Variants in DLEC1 observed in about 807,000 individuals in gnomAD.
DLEC1 encodes the protein DLEC1 cilia and flagella associated protein.
Under a neutral mutation model 198.1 loss-of-function variants are expected in DLEC1, and 146 were observed. The observed-to-expected ratio is 0.74, with a 90% CI of 0.64 to 0.85. The LOEUF is 0.85. DLEC1 is among the 40% of genes least tolerant of loss of function. The probability of loss-of-function intolerance (pLI) is 0.00; values close to 1 mark genes in which losing one functional copy is unlikely to be tolerated. For synonymous variants in DLEC1, 897 were observed against 866.8 expected (o/e 1.03, Z -0.61); for missense variants, 2,233 against 2,220.0 (o/e 1.01, Z -0.12).
At chr3:38,111,856 GCT>G in intron 24 of DLEC1, 109 bp downstream of exon 24, 1 of 1,260,126 alleles carries the variant, frequency 7.9e-7, no homozygotes, top group Non-Finnish European at 1.1e-6. Context: ...ACCAGAGACT[GCT>G]CTCAGATGGC....
chr3:38,082,331 G>A (rs1397923451), intron 6 of DLEC1, among the ~76,000 whole-genome samples: 1 of 139,778 alleles, frequency 7.2e-6, no homozygotes, highest in Non-Finnish European at 1.6e-5. Flanking sequence ...CAGGCAGAGG[G>A]GCTCCTCACA....
At chr3:38,096,888 C>T in intron 15 of DLEC1, 151 bp downstream of exon 15, 1 of 950,816 alleles carries the variant, frequency 1.1e-6, no homozygotes, top group Non-Finnish European at 1.6e-6. Flanking sequence ...ACTTGACTTG[C>T]ACAGATGCAT....
At position 38,062,234 on chromosome 3, in the gene DLEC1, G is replaced by A; in HGVS notation, c.739G>A (p.Glu247Lys). 6.2e-7 allele frequency: 1 copy of A among 1,614,230 alleles called. No homozygotes were observed. The highest frequency in any genetic ancestry group is 1.1e-5 in the South Asian group (1 of 91,080). ...SCEKRSVQKK[E>K]LNKKLEDSCR... ...TGAGAAGCGTTCCGTCCAGAAGAAA[G>A]AGCTGAACAAGAAGCTTGAAGATTC... The change falls in exon 4 of 37, where the codon GAG (glutamate) becomes AAG (lysine). Residue 247 changes from glutamate to lysine, a missense_variant. Glu to Lys is a moderately conservative substitution (Grantham distance 56). Coordinates refer to ENST00000308059, the MANE Select transcript of DLEC1 (RefSeq NM_007335.4).
intron 5 of DLEC1, among the ~76,000 whole-genome samples, chr3:38,063,023 A>AG (rs909932821): frequency 6.6e-6 from 1 of 152,128 alleles, no homozygotes; most frequent in African/African-American, 2.4e-5. Flanking sequence ...CTTGAGAAAT[A>AG]GGGGTTGGTG....
In DLEC1 at chr3:38,108,435, G is replaced by A; in HGVS notation, c.3049G>A (p.Val1017Met). The change falls in exon 21 of 37, where the codon GTG (valine) becomes ATG (methionine). Residue 1017 changes from valine to methionine, a missense_variant. By Grantham distance (21) the Val-to-Met change is conservative. Transcript: ENST00000308059. The stretch of plus-strand genomic sequence containing the variant: ...CGGACACCAAGCAGAATTCTGCATG[G>A]TGACAGTCTCCCCCAAACATGGCCT... ...LLGHQAEFCM[V>M]TVSPKHGLLG... is the part of the protein sequence containing the mutation. The A allele has an allele frequency of 6.2e-7, 1 of 1,614,148 alleles. No homozygotes were observed.
chr3:38,088,178 G>GA, intron 9 of DLEC1, 118 bp from the exon 10 acceptor site: 2 of 858,390 alleles, frequency 2.3e-6, no homozygotes, highest in South Asian at 3.3e-5. Context: ...CATGTGACTG[G>GA]ATGATCCTTA....
intron 19 of DLEC1, among the ~76,000 whole-genome samples, chr3:38,106,479 G>C (rs1699572776): frequency 1.3e-5 from 2 of 152,120 alleles, no homozygotes; most frequent in East Asian, 1.9e-4. Context: ...TTAGTGGCCA[G>C]GCATGGTAGC....
intron 6 of DLEC1, among the ~76,000 whole-genome samples, chr3:38,079,184 T>C (rs1697813277): frequency 6.6e-6 from 1 of 151,864 alleles, no homozygotes; most frequent in African/African-American, 2.4e-5. Context: ...AGGGCAGCAA[T>C]GAGATGTAGC....
At chr3:38,099,953 C>A (rs967961216) in intron 18 of DLEC1, among the ~76,000 whole-genome samples, 1 of 152,202 alleles carries the variant, frequency 6.6e-6, no homozygotes, top group Non-Finnish European at 1.5e-5. Flanking sequence ...GGCTACCCCC[C>A]TAGTTTGGCT....
intron 2 of DLEC1, among the ~76,000 whole-genome samples, chr3:38,050,940 CT>C (rs71094939): frequency 1.4e-3 from 212 of 146,460 alleles, no homozygotes; most frequent in Middle Eastern, 3.5e-3. Context: ...CTCTCTCTCT[CT>C]TTTTTTTTTT....
At chr3:38,110,928 G>A (rs574443830) in intron 23 of DLEC1, among the ~76,000 whole-genome samples, 2 of 151,734 alleles carry the variant, frequency 1.3e-5, no homozygotes, top group East Asian at 3.9e-4. Context: ...ATATACACAT[G>A]CACACACACA....
At chr3:38,053,903 C>T (rs1215790673) in intron 2 of DLEC1, among the ~76,000 whole-genome samples, 2 of 152,108 alleles carry the variant, frequency 1.3e-5, no homozygotes, top group East Asian at 1.9e-4. Context: ...CCCCCAACCC[C>T]GTGCTCTCTG....
In DLEC1 at chr3:38,096,743, T is replaced by C; in HGVS notation, c.2340+6T>C. On this transcript the variant is annotated splice_donor_region_variant and intron_variant, in intron 15 of 36. Transcript: ENST00000308059. ...ATGTGAAGAAGGCTTTTAAGGTAGG[T>C]CATTGTCTCTCCCCTGCCTAGGCTG... The C allele has an allele frequency of 6.2e-7, 1 of 1,600,756 alleles. No individual in the cohort carries two copies. Among genetic ancestry groups the C allele is most frequent in the Non-Finnish European group, 8.5e-7 (1 of 1,173,128 alleles).
At chr3:38,063,775 C>A in intron 5 of DLEC1, 66 bp from the exon 6 acceptor site, 1 of 1,154,062 alleles carries the variant, frequency 8.7e-7, no homozygotes, top group Non-Finnish European at 1.3e-6. Flanking sequence ...TAATCAGTCA[C>A]TGCCTACTAT....
In DLEC1 at chr3:38,045,655, G is replaced by C. The variant is rs752932471; in HGVS notation, c.524G>C (p.Gly175Ala). ...AENERVMSQAGVQDLESLVRL... is the reference protein window; with the variant it reads ...AENERVMSQAAVQDLESLVRL... Reference sequence around the variant, plus strand: ...AATGAGCGGGTCATGAGCCAGGCTGGAGTACAGGACCTCGAGAGCCTTGTC... The same window carrying C: ...AATGAGCGGGTCATGAGCCAGGCTGCAGTACAGGACCTCGAGAGCCTTGTC... The change falls in exon 2 of 37, where the codon GGA becomes GCA. Residue 175 changes from glycine to alanine, a missense_variant. Physicochemically the swap from Gly to Ala is moderately conservative, Grantham distance 60 (BLOSUM62 0). Transcript: ENST00000308059. 15 of 1,613,892 alleles carry C rather than the reference G, an allele frequency of 9.3e-6. No individual in the cohort carries two copies. Among genetic ancestry groups the C allele is most frequent in the Non-Finnish European group, 1.2e-5 (14 of 1,179,988 alleles).
chr3:38,069,649 C>T (rs1016034000), intron 6 of DLEC1, among the ~76,000 whole-genome samples: 2 of 152,090 alleles, frequency 1.3e-5, no homozygotes, highest in Non-Finnish European at 2.9e-5. Context: ...ATGCCACAGT[C>T]CTTATAATGA....
At chr3:38,060,036 C>A (rs1019239131) in intron 3 of DLEC1, among the ~76,000 whole-genome samples, 184 bp downstream of exon 3, 1 of 152,144 alleles carries the variant, frequency 6.6e-6, no homozygotes, top group Non-Finnish European at 1.5e-5. Context: ...TGCTAGTGCT[C>A]CCCCGCCTGT....
At chr3:38,118,113 G>A in intron 33 of DLEC1, 89 bp downstream of exon 33, 1 of 1,422,366 alleles carries the variant, frequency 7.0e-7, no homozygotes, top group Non-Finnish European at 9.5e-7. Context: ...TCAGGTGCTT[G>A]TACCCAGACG....
Position 38,100,402 on chromosome 3 carries a change from G to C in DLEC1, c.2841G>C (p.Leu947=). 1 of 1,613,324 alleles carries C rather than the reference G, an allele frequency of 6.2e-7. No homozygotes were observed. Among genetic ancestry groups the C allele is most frequent in the Non-Finnish European group, 8.5e-7 (1 of 1,179,770 alleles). Residue 947 remains leucine (L), a synonymous_variant, in exon 19 of 37, where the codon CTG becomes CTC. Transcript: ENST00000308059. The stretch of plus-strand genomic sequence containing the variant: ...AGCATCTGGAGACCGTCCTGGAGCT[G>C]GAGGTGGAAAATGGTGCCTGGAGGT... ...HCQHLETVLE[L]EVENGAWSYL...
Sources: allele counts gnomAD v4.1 joint callset (sites outside exome capture counted in the v4.1 genomes callset), GRCh38; gene constraint gnomAD v4.1.1; transcripts MANE v1.5; gene names NCBI Gene and HGNC (gene_info 2026-07-23, HGNC 2026-07-21).